The following CNTNAP5 variants were observed in gnomAD, a reference collection of about 807,000 sequenced individuals.
CNTNAP5 encodes contactin associated protein family member 5, also known as contactin-associated protein-like 5.
Under a neutral mutation model 150.2 loss-of-function variants are expected in CNTNAP5, and 72 were observed. The ratio of observed to expected loss-of-function variants is 0.48; its 90% CI spans 0.40 to 0.58. The LOEUF is 0.58. CNTNAP5 is among the 20% of genes least tolerant of loss of function. CNTNAP5 has a pLI of 0.00. For missense variants in CNTNAP5, 1,636 were observed against 1,626.2 expected (o/e 1.01, Z -0.10); for synonymous variants, 672 against 619.8 (o/e 1.08, Z -1.25).
chr2:124,783,376 T>C (rs1427858179), intron 17 of CNTNAP5, among the ~76,000 whole-genome samples: 1 of 152,198 alleles, frequency 6.6e-6, no homozygotes, highest in Admixed American at 6.5e-5. Flanking sequence ...TTTATCATTC[T>C]CTTTTGTCAG....
At chr2:124,860,662 T>A (rs1290188011) in intron 19 of CNTNAP5, among the ~76,000 whole-genome samples, 1 of 152,014 alleles carries the variant, frequency 6.6e-6, no homozygotes, top group Non-Finnish European at 1.5e-5. Flanking sequence ...CAATGAGATA[T>A]GTCCTGGCTC....
At position 124,183,165 on chromosome 2, in the gene CNTNAP5, C is replaced by A. The variant is rs114918381; in HGVS notation, c.83-38540C>A. Among the ~76,000 whole-genome samples, 1,380 of 152,224 alleles carry A rather than the reference C, an allele frequency of 9.1e-3. 20 individuals carry two copies. The highest frequency in any genetic ancestry group is 0.031 in the African/African-American group (1,295 of 41,524). ...ATGGACATTAATTGCTATATTCCTACCACTTGGCTATAGTGACTGGCATTT... is the reference window on the plus strand; with the variant it reads ...ATGGACATTAATTGCTATATTCCTAACACTTGGCTATAGTGACTGGCATTT... On this transcript the variant is annotated intron_variant, in intron 1 of 23. Transcript: ENST00000682447.
At chr2:124,397,299 G>C (rs147826136) in intron 3 of CNTNAP5, among the ~76,000 whole-genome samples, 2 of 152,266 alleles carry the variant, frequency 1.3e-5, no homozygotes, top group East Asian at 1.9e-4. Flanking sequence ...TCTGGAGGTT[G>C]GGAAGTCCAA....
chr2:124,628,696 T>G (rs1558711020), intron 12 of CNTNAP5, among the ~76,000 whole-genome samples: 1 of 152,064 alleles, frequency 6.6e-6, no homozygotes, highest in Non-Finnish European at 1.5e-5. Flanking sequence ...CATGACAGGG[T>G]CAAATTCACA....
chr2:124,797,127 G>C (rs1479299980), intron 18 of CNTNAP5, among the ~76,000 whole-genome samples: 1 of 152,142 alleles, frequency 6.6e-6, no homozygotes, highest in African/African-American at 2.4e-5. Context: ...TGATGAGGTA[G>C]GTGTTATGAT....
At chr2:124,033,377 T>G (rs1051881981) in intron 1 of CNTNAP5, among the ~76,000 whole-genome samples, 2 of 152,170 alleles carry the variant, frequency 1.3e-5, no homozygotes, top group Non-Finnish European at 2.9e-5. Flanking sequence ...AGACTGATGT[T>G]ATGTAGGTAT....
At chr2:124,773,877 A>C in intron 17 of CNTNAP5, among the ~76,000 whole-genome samples, 1 of 150,408 alleles carries the variant, frequency 6.6e-6, no homozygotes, top group African/African-American at 2.4e-5. Flanking sequence ...CCCTTGACAT[A>C]ATTCTTACAT....
chr2:124,329,266 T>G (rs1200267759), intron 3 of CNTNAP5, among the ~76,000 whole-genome samples: 2 of 152,212 alleles, frequency 1.3e-5, no homozygotes, highest in Non-Finnish European at 2.9e-5. Flanking sequence ...ATGTGTGGTG[T>G]GGTGACAACT....
intron 3 of CNTNAP5, among the ~76,000 whole-genome samples, chr2:124,400,684 T>TTTTTG (rs1691395909): frequency 7.7e-6 from 1 of 130,348 alleles, no homozygotes; most frequent in African/African-American, 2.7e-5. Flanking sequence ...TTTTTTTTTT[T>TTTTTG]TTTTGTTTTT....
chr2:124,717,211 G>A (rs1307947200), intron 13 of CNTNAP5, among the ~76,000 whole-genome samples: 3 of 152,196 alleles, frequency 2.0e-5, no homozygotes, highest in East Asian at 1.9e-4. Flanking sequence ...AGGTGACGGA[G>A]GAGCAGGGGA....
chr2:124,610,178 T>C (rs1002837580), intron 12 of CNTNAP5, among the ~76,000 whole-genome samples: 1 of 152,184 alleles, frequency 6.6e-6, no homozygotes, highest in Non-Finnish European at 1.5e-5. Context: ...TGGTTTTCTT[T>C]AGGGCCTCCA....
chr2:124,497,665 A>G (rs186338854), intron 7 of CNTNAP5, among the ~76,000 whole-genome samples: 2 of 152,328 alleles, frequency 1.3e-5, no homozygotes, highest in African/African-American at 4.8e-5. Context: ...TTAGTAAATT[A>G]TGGTTTCTAT....
At chr2:124,820,954 TG>T (rs1276333805) in intron 19 of CNTNAP5, among the ~76,000 whole-genome samples, 1 of 152,064 alleles carries the variant, frequency 6.6e-6, no homozygotes, top group Non-Finnish European at 1.5e-5. Context: ...AAGAAAAGAG[TG>T]AACAAACTTG....
chr2:124,781,595 C>T (rs1681453648), intron 17 of CNTNAP5, among the ~76,000 whole-genome samples: 1 of 152,108 alleles, frequency 6.6e-6, no homozygotes, highest in Non-Finnish European at 1.5e-5. Flanking sequence ...GGAGCCCAAA[C>T]GCCTCAGGGC....
chr2:124,368,232 A>C (rs1040625202), intron 3 of CNTNAP5, among the ~76,000 whole-genome samples: 1 of 152,216 alleles, frequency 6.6e-6, no homozygotes, highest in Non-Finnish European at 1.5e-5. Flanking sequence ...TGGTTTTAGA[A>C]ATTAGTTTGT....
chr2:124,786,661 A>G (rs567436968), intron 17 of CNTNAP5, among the ~76,000 whole-genome samples: 141 of 152,238 alleles, frequency 9.3e-4, no homozygotes, highest in African/African-American at 3.2e-3. Context: ...ATTCAGAAAC[A>G]GATTTCTGGG....
At chr2:124,203,670 A>G (rs528405124) in intron 1 of CNTNAP5, among the ~76,000 whole-genome samples, 2 of 152,306 alleles carry the variant, frequency 1.3e-5, no homozygotes, top group African/African-American at 4.8e-5. Context: ...ACAACACCAG[A>G]TGTGAGCTGC....
At chr2:124,245,212 T>C (rs1157430608) in intron 3 of CNTNAP5, among the ~76,000 whole-genome samples, 1 of 152,162 alleles carries the variant, frequency 6.6e-6, no homozygotes, top group Non-Finnish European at 1.5e-5. Context: ...TTGTAAATAG[T>C]GCTTGGACTC....
At chr2:124,871,234 T>C (rs2104727046) in intron 21 of CNTNAP5, among the ~76,000 whole-genome samples, 1 of 150,156 alleles carries the variant, frequency 6.7e-6, no homozygotes, top group East Asian at 1.9e-4. Flanking sequence ...TGAATTATTT[T>C]CTGTTTAAGG....
Sources: allele counts gnomAD v4.1 joint callset (sites outside exome capture counted in the v4.1 genomes callset), GRCh38; gene constraint gnomAD v4.1.1; transcripts MANE v1.5; gene names NCBI Gene and HGNC (gene_info 2026-07-23, HGNC 2026-07-21).